Variants in GRIN2A observed in about 807,000 individuals in gnomAD.
GRIN2A encodes glutamate receptor ionotropic, NMDA 2A.
A neutral mutation model predicts 113.4 loss-of-function variants in GRIN2A; 22 were observed. That is an observed-to-expected ratio of 0.19 (90% CI 0.14 to 0.28). The LOEUF is 0.28. GRIN2A is among the 10% of genes least tolerant of loss of function. The pLI is 1.00. For missense variants in GRIN2A, 1,502 were observed against 1,887.0 expected, an observed-to-expected ratio of 0.80 and a Z score of 3.78; for synonymous variants, 827 against 738.4, an observed-to-expected ratio of 1.12 and a Z score of -1.94.
intron 11 of GRIN2A, among the ~76,000 whole-genome samples, chr16:9,774,605 T>G (rs1026660161): frequency 1.3e-5 from 2 of 152,280 alleles, no homozygotes; most frequent in African/African-American, 2.4e-5. Context: ...TTAACTCATG[T>G]AAACTTAATA....
chr16:9,948,062 AG>A (rs1270454958), intron 2 of GRIN2A, among the ~76,000 whole-genome samples: 1 of 152,200 alleles, frequency 6.6e-6, no homozygotes, highest in Non-Finnish European at 1.5e-5. Flanking sequence ...ACCATGGCAA[AG>A]GAGCTCTTAT....
At position 9,772,247 on chromosome 16, in the gene GRIN2A, T is replaced by C. The variant is rs542840704; in HGVS notation, c.2357-3158A>G. 3.9e-5 allele frequency among the ~76,000 whole-genome samples: 6 copies of C among 152,306 alleles called. No homozygotes were observed. The East Asian group carries it at 9.7e-4, about 25-fold the overall frequency. ...GTCCACCAACACTATCTCAAACTCA[T>C]CCAGATTTCTCTGCCCACCATGTAC... On this transcript the variant is annotated intron_variant, in intron 11 of 12. Coordinates refer to ENST00000330684, the MANE Select transcript of GRIN2A (RefSeq NM_001134407.3).
chr16:10,068,485 T>C (rs939035827), intron 2 of GRIN2A, among the ~76,000 whole-genome samples: 5 of 152,134 alleles, frequency 3.3e-5, no homozygotes, highest in African/African-American at 1.2e-4. Flanking sequence ...GGAAGTGCTA[T>C]ACACTTTTAA....
chr16:9,968,312 G>A (rs1278779615), intron 2 of GRIN2A, among the ~76,000 whole-genome samples: 3 of 145,816 alleles, frequency 2.1e-5, no homozygotes, highest in East Asian at 4.1e-4. Flanking sequence ...ATGTATACAT[G>A]TACGTATGTA....
intron 5 of GRIN2A, among the ~76,000 whole-genome samples, chr16:9,843,803 A>T (rs888299234): frequency 6.6e-6 from 1 of 152,310 alleles, no homozygotes; most frequent in African/African-American, 2.4e-5. Context: ...TCAACACTGT[A>T]CAGTCATGGG....
At chr16:10,093,234 G>A (rs1415401276) in intron 2 of GRIN2A, among the ~76,000 whole-genome samples, 2 of 152,184 alleles carry the variant, frequency 1.3e-5, no homozygotes, top group Non-Finnish European at 2.9e-5. Flanking sequence ...AATAACAGAT[G>A]GGGTAGGTAC....
intron 2 of GRIN2A, chr16:10,037,357 T>G (rs894603684): frequency 1.3e-5 from 2 of 152,244 alleles, no homozygotes; most frequent in Non-Finnish European, 2.9e-5. Context: ...TGTGGAAACA[T>G]GGTGATCACT....
At chr16:9,881,715 T>C (rs2043484610) in intron 4 of GRIN2A, among the ~76,000 whole-genome samples, 1 of 152,206 alleles carries the variant, frequency 6.6e-6, no homozygotes, top group South Asian at 2.1e-4. Context: ...AAGGAGAGAC[T>C]GAAAACACAC....
At chr16:10,135,421 G>A (rs764516170) in intron 2 of GRIN2A, among the ~76,000 whole-genome samples, 1 of 152,122 alleles carries the variant, frequency 6.6e-6, no homozygotes, top group African/African-American at 2.4e-5. Context: ...GTTAGCATTC[G>A]TATTTCCACT....
chr16:10,167,334 T>C (rs1164179749), intron 2 of GRIN2A, among the ~76,000 whole-genome samples: 1 of 152,176 alleles, frequency 6.6e-6, no homozygotes, highest in Non-Finnish European at 1.5e-5. Flanking sequence ...TTGAGTGAGT[T>C]TGTGAGCCAA....
At chr16:9,932,617 A>G (rs1012300968) in intron 3 of GRIN2A, among the ~76,000 whole-genome samples, 8 of 151,958 alleles carry the variant, frequency 5.3e-5, no homozygotes, top group Non-Finnish European at 8.8e-5. Context: ...TCCTGACCTC[A>G]AGTGATCTGC....
chr16:9,968,455 A>T (rs2045605019), intron 2 of GRIN2A, among the ~76,000 whole-genome samples: 1 of 152,146 alleles, frequency 6.6e-6, no homozygotes, highest in Admixed American at 6.5e-5. Flanking sequence ...CTGGAATTAC[A>T]GGCATGCGCC....
intron 2 of GRIN2A, among the ~76,000 whole-genome samples, chr16:10,035,212 G>A (rs896483219): frequency 6.6e-6 from 1 of 152,086 alleles, no homozygotes; most frequent in East Asian, 1.9e-4. Flanking sequence ...TTTTTGTAGA[G>A]ACAGGGTCTT....
chr16:10,034,388 G>A (rs992527846), intron 2 of GRIN2A, among the ~76,000 whole-genome samples: 15 of 151,834 alleles, frequency 9.9e-5, no homozygotes, highest in Non-Finnish European at 2.1e-4. Context: ...TAGCCGGAAT[G>A]TTAGCACATG....
At chr16:9,850,590 T>C (rs1360175982) in intron 4 of GRIN2A, among the ~76,000 whole-genome samples, 1 of 149,918 alleles carries the variant, frequency 6.7e-6, no homozygotes, top group Non-Finnish European at 1.5e-5. Flanking sequence ...AGCTAGAGAG[T>C]GAAAAGAAGA....
At chr16:10,159,213 G>A (rs928456993) in intron 2 of GRIN2A, among the ~76,000 whole-genome samples, 13 of 152,206 alleles carry the variant, frequency 8.5e-5, no homozygotes, top group East Asian at 1.9e-4. Flanking sequence ...ATATACATCC[G>A]TCCCTCATGT....
intron 2 of GRIN2A, among the ~76,000 whole-genome samples, chr16:10,106,180 T>TAA (rs2048496902): frequency 7.3e-6 from 1 of 136,326 alleles, no homozygotes; most frequent in Non-Finnish European, 1.6e-5. Context: ...TTCTTATAAG[T>TAA]GAAAGAGTTT....
intron 2 of GRIN2A, among the ~76,000 whole-genome samples, chr16:10,162,797 G>C (rs944786976): frequency 2.0e-5 from 3 of 152,162 alleles, no homozygotes; most frequent in Admixed American, 6.5e-5. Context: ...ACATATCAGA[G>C]GGTTCTCCTA....
intron 11 of GRIN2A, among the ~76,000 whole-genome samples, chr16:9,769,726 C>CT (rs1465738082): frequency 6.6e-6 from 1 of 152,076 alleles, no homozygotes; most frequent in Admixed American, 6.5e-5. Context: ...TATAAAATCC[C>CT]TAAAGGACCC....
Sources: allele counts gnomAD v4.1 joint callset (sites outside exome capture counted in the v4.1 genomes callset), GRCh38; gene constraint gnomAD v4.1.1; transcripts MANE v1.5; gene names NCBI Gene and HGNC (gene_info 2026-07-23, HGNC 2026-07-21).